The following SEC22C variants were observed in gnomAD, a reference collection of about 807,000 sequenced individuals.
SEC22C encodes the protein SEC22 homolog C, vesicle trafficking protein.
SEC22C carries 29 observed loss-of-function variants against 34.7 expected under a neutral mutation model. That is an observed-to-expected ratio of 0.84 (90% CI 0.62 to 1.14). The LOEUF (loss-of-function observed/expected upper bound fraction) is 1.14. Among genes scored for constraint, SEC22C ranks in the 50% most tolerant of loss-of-function variants. The pLI, the probability that SEC22C is intolerant of heterozygous loss-of-function variation, is 0.00. For missense variants in SEC22C, 337 were observed against 369.0 expected (o/e 0.91, Z 0.71); for synonymous variants, 117 against 132.8 (o/e 0.88, Z 0.82).
chr3:42,552,874 A>C lies in SEC22C; in HGVS notation c.*374T>G, dbSNP rs1242245926. ...TTTGGATTTTAAAGTGGTTCCTTGG[A>C]GACAACTCTCAATGACTAAAACCAG... On this transcript the variant is annotated 3_prime_UTR_variant, in exon 7 of 7. Coordinates refer to ENST00000264454, the MANE Select transcript of SEC22C (RefSeq NM_032970.4). 1 of 1,036,758 alleles carries C rather than the reference A, an allele frequency of 9.6e-7. No homozygotes were observed. Among genetic ancestry groups the C allele is most frequent in the Non-Finnish European group, 1.2e-6 (1 of 863,134 alleles). 64.2% of individuals were successfully genotyped at this position (1,036,758 alleles called of 1,614,324 possible).
intron 2 of SEC22C, among the ~76,000 whole-genome samples, chr3:42,567,485 G>T (rs1446676969): frequency 6.6e-6 from 1 of 151,964 alleles, no homozygotes; most frequent in Admixed American, 6.6e-5. Flanking sequence ...ACTTAGTTAA[G>T]TTTTTTTTAC....
At chr3:42,594,843 G>C (rs1315293570) in intron 1 of SEC22C, 1 of 178,954 alleles carries the variant, frequency 5.6e-6, no homozygotes, top group Non-Finnish European at 1.2e-5. Context: ...AGGAAACTCA[G>C]TAGGTGTTGG....
At chr3:42,599,415 G>A (rs1433374781) in intron 1 of SEC22C, among the ~76,000 whole-genome samples, 1 of 151,458 alleles carries the variant, frequency 6.6e-6, no homozygotes, top group Admixed American at 6.6e-5. Context: ...TTTTCAGGCC[G>A]GGCGCGGTGG....
At chr3:42,590,773 T>C in intron 1 of SEC22C, 1 of 990,054 alleles carries the variant, frequency 1.0e-6, no homozygotes, top group Non-Finnish European at 1.6e-6. Flanking sequence ...GCGCGTCCAG[T>C]CACAAATGAC....
intron 4 of SEC22C, among the ~76,000 whole-genome samples, chr3:42,559,691 T>A (rs1702754202): frequency 2.0e-5 from 3 of 152,194 alleles, no homozygotes; most frequent in Admixed American, 2.0e-4. Context: ...GTGTAGACAC[T>A]TCTTTTAGCA....
At chr3:42,599,025 G>A (rs2125745184) in intron 1 of SEC22C, among the ~76,000 whole-genome samples, 1 of 149,132 alleles carries the variant, frequency 6.7e-6, no homozygotes, top group Non-Finnish European at 1.5e-5. Context: ...GAATGCAGTG[G>A]ACCGATCTCG....
intron 2 of SEC22C, among the ~76,000 whole-genome samples, chr3:42,567,797 G>A (rs1328306893): frequency 1.3e-5 from 2 of 152,266 alleles, no homozygotes; most frequent in East Asian, 1.9e-4. Context: ...ATGACCAGGC[G>A]CAGTGGCTCA....
chr3:42,554,244 T>TAGGAAA (rs971817259), intron 6 of SEC22C, among the ~76,000 whole-genome samples: 12 of 152,340 alleles, frequency 7.9e-5, no homozygotes, highest in African/African-American at 2.6e-4. Flanking sequence ...AACATAGCTC[T>TAGGAAA]AGGAAACTGC....
At position 42,551,747 on chromosome 3, in the gene SEC22C, T is replaced by C; in HGVS notation, c.*1501A>G. On this transcript the variant is annotated 3_prime_UTR_variant, in exon 7 of 7. Transcript: ENST00000264454. ...AGTTCCCAGTATATAAACTTATTTTTCTTAAAATGATAACAAGGTAGCTCA... is the reference window on the plus strand; with the variant it reads ...AGTTCCCAGTATATAAACTTATTTTCCTTAAAATGATAACAAGGTAGCTCA... 1.0e-6 allele frequency: 1 copy of C among 967,780 alleles called. No individual in the cohort carries two copies. The allele number at this position is 967,780 out of a possible 1,614,324, so 59.9% of individuals were successfully genotyped here. A position where few individuals can be genotyped will look rare whatever the true frequency, so the allele number is the denominator to read the frequency against.
chr3:42,551,861 T>C lies in SEC22C; in HGVS notation c.*1387A>G, dbSNP rs1409793638. On this transcript the variant is annotated 3_prime_UTR_variant, in exon 7 of 7. Coordinates refer to ENST00000264454, the MANE Select transcript of SEC22C (RefSeq NM_032970.4). ...TTCCCTATCCACTCAACTCTTGTAA[T>C]GGTTTTCCACTTTTAAAAACTATCA... 2.0e-6 allele frequency: 2 copies of C among 983,372 alleles called. No homozygotes were observed. The highest frequency in any genetic ancestry group is 5.2e-4 in the Middle Eastern group (1 of 1,908). 60.9% of individuals were successfully genotyped at this position (983,372 alleles called of 1,614,324 possible).
chr3:42,557,991 C>T (rs990556717), intron 4 of SEC22C, among the ~76,000 whole-genome samples: 2 of 152,210 alleles, frequency 1.3e-5, no homozygotes, highest in East Asian at 3.9e-4. Context: ...TGGTTCTCAA[C>T]CAGGGGCAAT....
intron 1 of SEC22C, among the ~76,000 whole-genome samples, chr3:42,574,469 A>G (rs1314794584): frequency 6.6e-6 from 1 of 152,180 alleles, no homozygotes; most frequent in Non-Finnish European, 1.5e-5. Flanking sequence ...AGGAAATGAT[A>G]AAAGAAGAAA....
Position 42,555,981 on chromosome 3 carries a change from T to G in SEC22C, c.660A>C (p.Glu220Asp), listed in dbSNP as rs1334750183. ...AEHSLQVAHEEIGNILAFLVP... is the reference protein window; with the variant it reads ...AEHSLQVAHEDIGNILAFLVP... ...CAAGAAAAGCCAGAATGTTTCCAATTTCCTCATGGGCAACCTAAAACAAAT... is the reference window on the plus strand; with the variant it reads ...CAAGAAAAGCCAGAATGTTTCCAATGTCCTCATGGGCAACCTAAAACAAAT... Residue 220 changes from glutamate (E) to aspartate (D), a missense_variant, in exon 6 of 7, where the codon GAA becomes GAC. Transcript: ENST00000264454. The G allele has an allele frequency of 6.2e-7, 1 of 1,613,240 alleles. No homozygotes were observed. The highest frequency in any genetic ancestry group is 8.5e-7 in the Non-Finnish European group (1 of 1,179,594).
chr3:42,580,004 A>G (rs1264950229), intron 1 of SEC22C, among the ~76,000 whole-genome samples: 1 of 152,250 alleles, frequency 6.6e-6, no homozygotes, highest in Non-Finnish European at 1.5e-5. Context: ...TCAAATACAC[A>G]GCATCCGTGT....
intron 6 of SEC22C, 130 bp downstream of exon 6, chr3:42,555,800 G>A: frequency 1.3e-6 from 1 of 746,468 alleles, no homozygotes; most frequent in Non-Finnish European, 2.3e-6. Flanking sequence ...TAAGGGCTTG[G>A]TATTGTCCAT....
Position 42,561,199 on chromosome 3 carries a change from C to G in SEC22C, c.444G>C (p.Gln148His). ...LEKIQEELKL[Q>H]PPAVLTLEDT... ...CCTCCAGAGTGAGAACCGCTGGAGG[C>G]TGCAACTTGAGCTCCTCCTGAATTT... is the stretch of plus-strand genomic sequence containing the variant. Residue 148 changes from glutamine (Q) to histidine (H), a missense_variant, in exon 4 of 7, where the codon CAG (glutamine) becomes CAC (histidine). Gln to His is a conservative substitution (Grantham distance 24, BLOSUM62 0). Transcript: ENST00000264454. 1.9e-6 allele frequency: 3 copies of G among 1,614,190 alleles called. No homozygotes were observed. Among genetic ancestry groups the G allele is most frequent in the Non-Finnish European group, 2.5e-6 (3 of 1,180,024 alleles).
chr3:42,586,500 G>A (rs1704613259), upstream of SEC22C, among the ~76,000 whole-genome samples: 1 of 151,846 alleles, frequency 6.6e-6, no homozygotes, highest in Non-Finnish European at 1.5e-5. Flanking sequence ...TGGCATTACA[G>A]GTGTGAGCCA....
intron 1 of SEC22C, among the ~76,000 whole-genome samples, chr3:42,591,782 GGA>G (rs1352756792): frequency 6.6e-6 from 1 of 152,132 alleles, no homozygotes; most frequent in African/African-American, 2.4e-5. Flanking sequence ...AGTACACTGC[GGA>G]GCCTGGAGTC....
At chr3:42,573,110 T>C (rs1334531616) in intron 1 of SEC22C, among the ~76,000 whole-genome samples, 4 of 152,060 alleles carry the variant, frequency 2.6e-5, no homozygotes, top group Non-Finnish European at 4.4e-5. Context: ...CCTCGGCCTC[T>C]CAAAGTGGCG....
Sources: allele counts gnomAD v4.1 joint callset (sites outside exome capture counted in the v4.1 genomes callset), GRCh38; gene constraint gnomAD v4.1.1; transcripts MANE v1.5; gene names NCBI Gene and HGNC (gene_info 2026-07-23, HGNC 2026-07-21).